Variants in MSRA observed in about 807,000 individuals in gnomAD.
MSRA encodes methionine sulfoxide reductase A, also known as mitochondrial peptide methionine sulfoxide reductase.
Under a neutral mutation model 31.3 loss-of-function variants are expected in MSRA, and 54 were observed. The observed-to-expected ratio is 1.73, with a 90% confidence interval of 1.39 to 2.17. The LOEUF (loss-of-function observed/expected upper bound fraction) is 2.17. Ranked by LOEUF, MSRA falls within the 30% of genes most tolerant of loss-of-function variation. The pLI, the probability that MSRA is intolerant of heterozygous loss-of-function variation, is 0.00. For synonymous variants in MSRA, 169 were observed against 116.5 expected (o/e 1.45, Z -2.90); for missense variants, 507 against 300.9 (o/e 1.69, Z -5.07).
At chr8:10,400,392 A>AGCGTGTG (rs1369585471) in intron 5 of MSRA, among the ~76,000 whole-genome samples, 1 of 147,838 alleles carries the variant, frequency 6.8e-6, no homozygotes, top group Non-Finnish European at 1.5e-5. Flanking sequence ...TGTAGTGTGT[A>AGCGTGTG]GTGTGTAGGG....
At chr8:10,396,221 A>G (rs1807089302) in intron 5 of MSRA, among the ~76,000 whole-genome samples, 1 of 152,206 alleles carries the variant, frequency 6.6e-6, no homozygotes, top group Non-Finnish European at 1.5e-5. Context: ...TCCAGGAAGA[A>G]GCGTTTCCTG....
chr8:10,370,735 A>C lies in MSRA; in HGVS notation c.543+50746A>C, dbSNP rs560271016. 1.9e-4 allele frequency among the ~76,000 whole-genome samples: 29 copies of C among 152,334 alleles called. 1 individual carries two copies. In the South Asian group the frequency reaches 6.0e-3, roughly 32 times the overall value. ...ATATCAGGCTGTCACAGTGAACGAC[A>C]AGGAGGAAGCCCTGCTTTGTCAAAG... On this transcript the variant is annotated intron_variant, in intron 5 of 5. Transcript: ENST00000317173.
At chr8:10,130,124 C>T (rs766632150) in intron 1 of MSRA, among the ~76,000 whole-genome samples, 12 of 152,112 alleles carry the variant, frequency 7.9e-5, no homozygotes, top group East Asian at 1.9e-4. Context: ...GTATCAAGGA[C>T]GCTAAACATT....
chr8:10,078,402 C>A (rs921379042), intron 1 of MSRA, among the ~76,000 whole-genome samples: 30 of 152,194 alleles, frequency 2.0e-4, no homozygotes, highest in Admixed American at 5.2e-4. Flanking sequence ...GAGGTGGGTC[C>A]TGTAGGCTCA....
At position 10,279,398 on chromosome 8, in the gene MSRA, C is replaced by T. The variant is rs951592473; in HGVS notation, c.332-22136C>T. On this transcript the variant is annotated intron_variant, in intron 3 of 5. Transcript: ENST00000317173. Reference sequence around the variant, plus strand: ...AAATCAGCAATATCAAAGCTAATTCCCTTTGACAACTCAACTTTGTCTAAG... The same window carrying T: ...AAATCAGCAATATCAAAGCTAATTCTCTTTGACAACTCAACTTTGTCTAAG... Among the ~76,000 whole-genome samples, 9 of 152,148 alleles carry T rather than the reference C, an allele frequency of 5.9e-5. No homozygotes were observed. The East Asian group carries it at 1.7e-3, about 29-fold the overall frequency.
chr8:10,279,956 G>T (rs749967096), intron 3 of MSRA, among the ~76,000 whole-genome samples: 1 of 152,124 alleles, frequency 6.6e-6, no homozygotes, highest in East Asian at 1.9e-4. Context: ...AGACAACTAG[G>T]CCTGATATTT....
intron 3 of MSRA, among the ~76,000 whole-genome samples, chr8:10,248,441 A>G (rs921130644): frequency 6.6e-6 from 1 of 152,164 alleles, no homozygotes; most frequent in Non-Finnish European, 1.5e-5. Context: ...GATGACGCAC[A>G]TCAGAGCTTC....
intron 5 of MSRA, among the ~76,000 whole-genome samples, chr8:10,346,551 A>G (rs1803787129): frequency 6.6e-6 from 1 of 152,206 alleles, no homozygotes; most frequent in Non-Finnish European, 1.5e-5. Flanking sequence ...AGGGCCAGCC[A>G]CTAGCCCTTG....
At chr8:10,233,329 C>G (rs78779125) in intron 2 of MSRA, among the ~76,000 whole-genome samples, 2,629 of 152,208 alleles carry the variant, frequency 0.017, 80 homozygotes, top group African/African-American at 0.059. Flanking sequence ...CCTGCAAACT[C>G]AAATTCTAAA....
chr8:10,229,904 C>A (rs1811321099), intron 2 of MSRA, among the ~76,000 whole-genome samples: 1 of 152,142 alleles, frequency 6.6e-6, no homozygotes, highest in Admixed American at 6.5e-5. Flanking sequence ...CCCCGTCCTC[C>A]CCATATAATC....
intron 3 of MSRA, among the ~76,000 whole-genome samples, chr8:10,300,124 T>C (rs1037620963): frequency 6.7e-6 from 1 of 149,556 alleles, no homozygotes; most frequent in African/African-American, 2.5e-5. Context: ...TGGAAGAAAT[T>C]TGTGTGTGTG....
intron 4 of MSRA, among the ~76,000 whole-genome samples, chr8:10,304,028 C>G (rs1453483473): frequency 6.6e-6 from 1 of 152,208 alleles, no homozygotes; most frequent in East Asian, 1.9e-4. Context: ...CTCCACCTCC[C>G]AGGTGCAAGC....
chr8:10,329,581 T>C (rs542131096), intron 5 of MSRA, among the ~76,000 whole-genome samples: 46 of 152,312 alleles, frequency 3.0e-4, no homozygotes, highest in African/African-American at 9.9e-4. Flanking sequence ...TTTTAGGGGA[T>C]TGGAACATGG....
intron 1 of MSRA, among the ~76,000 whole-genome samples, chr8:10,064,769 T>A (rs1349441073): frequency 3.9e-5 from 6 of 152,204 alleles, no homozygotes; most frequent in South Asian, 4.1e-4. Context: ...AAAAGTCATG[T>A]GTAAAATTAA....
At chr8:10,378,750 C>T (rs887633287) in intron 5 of MSRA, among the ~76,000 whole-genome samples, 1 of 152,250 alleles carries the variant, frequency 6.6e-6, no homozygotes, top group Non-Finnish European at 1.5e-5. Context: ...CCCAGAACTT[C>T]TGGCTCAGAT....
rs527272746 is a variant in MSRA, at chr8:10,409,564, A to C, written c.544-18584A>C. 1.5e-4 allele frequency among the ~76,000 whole-genome samples: 23 copies of C among 152,340 alleles called. No homozygotes were observed. The East Asian group carries it at 4.4e-3, about 29-fold the overall frequency. ...ACCCTTCTTACCAAATGCAGCAGAT[A>C]CTACTGTGATCTCTAGAGAGGACGT... On this transcript the variant is annotated intron_variant, in intron 5 of 5. Coordinates refer to ENST00000317173, the MANE Select transcript of MSRA (RefSeq NM_012331.5).
At chr8:10,230,149 G>T (rs1811342650) in intron 2 of MSRA, among the ~76,000 whole-genome samples, 1 of 152,208 alleles carries the variant, frequency 6.6e-6, no homozygotes, top group African/African-American at 2.4e-5. Flanking sequence ...AGGGAGGTGG[G>T]CCCCATGTTC....
chr8:10,276,587 C>G (rs896141194), intron 3 of MSRA, among the ~76,000 whole-genome samples: 8 of 152,198 alleles, frequency 5.3e-5, no homozygotes, highest in Non-Finnish European at 1.2e-4. Flanking sequence ...GCAGGGCTTG[C>G]TTTAATTTGT....
At chr8:10,151,500 A>C (rs1292767616) in intron 1 of MSRA, among the ~76,000 whole-genome samples, 2 of 151,716 alleles carry the variant, frequency 1.3e-5, no homozygotes, top group Admixed American at 1.3e-4. Flanking sequence ...AAAATAAAAA[A>C]TTAGCCGGGC....
Sources: allele counts gnomAD v4.1 joint callset (sites outside exome capture counted in the v4.1 genomes callset), GRCh38; gene constraint gnomAD v4.1.1; transcripts MANE v1.5; gene names NCBI Gene and HGNC (gene_info 2026-07-23, HGNC 2026-07-21).